The following GSE1 variants were observed in gnomAD, a reference collection of about 807,000 sequenced individuals.
GSE1 encodes the protein Gse1 coiled-coil protein.
Under a neutral mutation model 112.6 loss-of-function variants are expected in GSE1, and 32 were observed. The observed-to-expected ratio is 0.28, with a 90% CI of 0.21 to 0.38. The LOEUF is 0.38. Among genes scored for constraint, GSE1 ranks in the 10% least tolerant of loss-of-function variants. The probability of loss-of-function intolerance (pLI) is 1.00; values close to 1 mark genes in which losing one functional copy is unlikely to be tolerated. For missense variants in GSE1, 2,348 were observed against 1,699.2 expected, an observed-to-expected ratio of 1.38 and a Z score of -6.71; for synonymous variants, 1,115 against 735.6, an observed-to-expected ratio of 1.52 and a Z score of -8.35.
At chr16:85,458,269 C>T (rs2049886130) in intron 2 of GSE1, among the ~76,000 whole-genome samples, 1 of 152,224 alleles carries the variant, frequency 6.6e-6, no homozygotes, top group Non-Finnish European at 1.5e-5. Flanking sequence ...GACAGTCCTG[C>T]CCTCAAGGAG....
intron 2 of GSE1, among the ~76,000 whole-genome samples, chr16:85,411,265 A>G (rs1176664752): frequency 1.2e-4 from 1 of 8,658 alleles, no homozygotes; most frequent in Non-Finnish European, 2.7e-4. Flanking sequence ...CCTCACTGTT[A>G]CACTCAGGGC....
chr16:85,462,533 C>T lies in GSE1; in HGVS notation c.2464+104890C>T, dbSNP rs186955525. Among the ~76,000 whole-genome samples the T allele has an allele frequency of 1.6e-3, 247 of 152,136 alleles. 1 individual carries two copies. The highest frequency in any genetic ancestry group is 5.5e-3 in the African/African-American group (227 of 41,528). ...GCGGCCCCAATTAGAGGCTTTGGTTCTGCAAACTTGATGCTCGGCACTTGA... is the reference window on the plus strand; with the variant it reads ...GCGGCCCCAATTAGAGGCTTTGGTTTTGCAAACTTGATGCTCGGCACTTGA... On this transcript the variant is annotated intron_variant, in intron 2 of 2. Coordinates refer to the GSE1 transcript ENST00000637419.
At chr16:85,525,218 C>T (rs1043536643) in intron 2 of GSE1, among the ~76,000 whole-genome samples, 6 of 151,862 alleles carry the variant, frequency 4.0e-5, no homozygotes, top group Non-Finnish European at 1.5e-5. Context: ...AGCTGCCCCT[C>T]TGCCTGCAGC....
At chr16:85,478,894 TC>T in intron 2 of GSE1, among the ~76,000 whole-genome samples, 2 of 77,484 alleles carry the variant, frequency 2.6e-5, no homozygotes, top group African/African-American at 1.5e-4. Flanking sequence ...TTTCTTTCTT[TC>T]TTTCTTTCTT....
At chr16:85,198,363 A>T (rs936115307) in intron 1 of GSE1, among the ~76,000 whole-genome samples, 1 of 152,312 alleles carries the variant, frequency 6.6e-6, no homozygotes, top group East Asian at 1.9e-4. Flanking sequence ...TGTCCTTGGA[A>T]CGTGTTTTCT....
intron 1 of GSE1, among the ~76,000 whole-genome samples, chr16:85,289,670 A>T (rs1190363840): frequency 1.3e-5 from 2 of 152,126 alleles, no homozygotes; most frequent in African/African-American, 4.8e-5. Context: ...TGGTGGTGGG[A>T]TACAGGAGGG....
chr16:85,540,888 T>G (rs547682472), intron 2 of GSE1, among the ~76,000 whole-genome samples: 2 of 152,100 alleles, frequency 1.3e-5, no homozygotes, highest in African/African-American at 4.8e-5. Context: ...GCCTGAGCAA[T>G]AGAGTGAGAC....
intron 2 of GSE1, among the ~76,000 whole-genome samples, chr16:85,453,405 C>T (rs1037749799): frequency 1.3e-5 from 2 of 152,222 alleles, no homozygotes; most frequent in Non-Finnish European, 2.9e-5. Context: ...CAGTGCATGC[C>T]GGGGTGGCTG....
chr16:85,358,963 T>C (rs79098987), intron 2 of GSE1, among the ~76,000 whole-genome samples: 3,188 of 152,178 alleles, frequency 0.021, 121 homozygotes, highest in African/African-American at 0.072. Context: ...ATTTGGGAAA[T>C]GGGAAGAAAG....
At chr16:85,376,439 G>A (rs1257280519) in intron 2 of GSE1, among the ~76,000 whole-genome samples, 1 of 152,188 alleles carries the variant, frequency 6.6e-6, no homozygotes, top group African/African-American at 2.4e-5. Flanking sequence ...GTGGCTGCGC[G>A]GGCTGGTCTG....
chr16:85,388,348 A>ATGGG (rs2047748492), intron 2 of GSE1, among the ~76,000 whole-genome samples: 1 of 34,718 alleles, frequency 2.9e-5, no homozygotes, highest in Non-Finnish European at 5.0e-5. Flanking sequence ...GTATGGCTGG[A>ATGGG]TGGATGGGTG....
chr16:85,258,496 C>G (rs1039003359), intron 1 of GSE1, among the ~76,000 whole-genome samples: 7 of 151,478 alleles, frequency 4.6e-5, no homozygotes, highest in African/African-American at 1.7e-4. Flanking sequence ...AAAGCTCAGC[C>G]CTCTTGCATC....
intron 1 of GSE1, among the ~76,000 whole-genome samples, chr16:85,575,429 C>T (rs1425965948): frequency 3.3e-5 from 5 of 152,182 alleles, no homozygotes; most frequent in African/African-American, 1.2e-4. Context: ...CAGACCCCTC[C>T]TTGCTTCGCT....
chr16:85,304,603 G>GGC (rs2045618673), intron 1 of GSE1, among the ~76,000 whole-genome samples: 2 of 126,164 alleles, frequency 1.6e-5, no homozygotes, highest in South Asian at 6.0e-4. Context: ...GCCGGGGGCG[G>GGC]GGGGGTGGGG....
chr16:85,401,841 T>C (rs1289155508), intron 2 of GSE1, among the ~76,000 whole-genome samples: 1 of 152,240 alleles, frequency 6.6e-6, no homozygotes, highest in Non-Finnish European at 1.5e-5. Flanking sequence ...CGGGAATGTC[T>C]AAACATGTGC....
At chr16:85,175,806 C>G (rs1199743402) in intron 1 of GSE1, among the ~76,000 whole-genome samples, 1 of 152,168 alleles carries the variant, frequency 6.6e-6, no homozygotes, top group Admixed American at 6.5e-5. Flanking sequence ...CATACTGAAG[C>G]CTCGCCGCAG....
intron 14 of GSE1, 29 bp downstream of exon 14, chr16:85,668,453 G>C: frequency 7.0e-7 from 1 of 1,438,138 alleles, no homozygotes; most frequent in Non-Finnish European, 9.5e-7. Context: ...AGAGGGGGGA[G>C]GGGGTCAGGA....
At chr16:85,478,782 C>T (rs898785685) in intron 2 of GSE1, among the ~76,000 whole-genome samples, 2 of 151,140 alleles carry the variant, frequency 1.3e-5, no homozygotes, top group African/African-American at 2.4e-5. Context: ...ATTATCCTGC[C>T]TCAGCCTCCG....
At chr16:85,616,730 G>A (rs543156174) in intron 1 of GSE1, among the ~76,000 whole-genome samples, 27 of 150,650 alleles carry the variant, frequency 1.8e-4, no homozygotes, top group South Asian at 2.1e-4. Flanking sequence ...TGGCCTCACC[G>A]AGTGCGGTGT....
Sources: gnomAD v4.1 joint callset for allele counts (sites outside exome capture counted in the v4.1 genomes callset) on GRCh38, gnomAD v4.1.1 for gene constraint, MANE v1.5 for transcripts, NCBI Gene and HGNC (gene_info 2026-07-23, HGNC 2026-07-21) for gene names.